Variants in POSTN observed in about 807,000 individuals in gnomAD.
POSTN encodes the protein osteoblast specific factor 2 (fasciclin I-like).
In POSTN, 71 loss-of-function variants were observed where a neutral mutation model predicts 104.5. That is an observed-to-expected ratio of 0.68 (90% CI 0.56 to 0.83). The LOEUF is 0.83. POSTN is among the 40% of genes least tolerant of loss of function. The probability of loss-of-function intolerance (pLI) is 0.00; values close to 1 mark genes in which losing one functional copy is unlikely to be tolerated. For missense variants in POSTN, 949 were observed against 1,006.8 expected, an observed-to-expected ratio of 0.94 and a Z score of 0.78; for synonymous variants, 355 against 340.7, an observed-to-expected ratio of 1.04 and a Z score of -0.46.
At position 37,564,510 on chromosome 13, in the gene POSTN, T is replaced by C; in HGVS notation, c.2473+9A>G. On this transcript the variant is annotated intron_variant, in intron 22 of 22. Transcript: ENST00000379747. Reference sequence around the variant, plus strand: ...CATATACACACATTACTATAGCCAATACACTTACCTTGAACTTTTTTGTTG... The same window carrying C: ...CATATACACACATTACTATAGCCAACACACTTACCTTGAACTTTTTTGTTG... The C allele has an allele frequency of 6.4e-7, 1 of 1,557,834 alleles. No individual in the cohort carries two copies. The highest frequency in any genetic ancestry group is 8.8e-7 in the Non-Finnish European group (1 of 1,131,158).
intron 19 of POSTN, 137 bp downstream of exon 19, chr13:37,570,443 A>G: frequency 1.7e-6 from 1 of 590,600 alleles, no homozygotes; most frequent in Non-Finnish European, 3.0e-6. Context: ...ATAATATTAT[A>G]TCTGCCAAAA....
At position 37,569,319 on chromosome 13, in the gene POSTN, A is replaced by G; in HGVS notation, c.2412T>C (p.Ile804=). ...GDGHLFEDEE[I]KRLLQGDTPV... is the part of the protein sequence containing the mutation. Reference sequence around the variant, plus strand: ...ACTAACCTCCCTGAAGCAGTCTTTTAATTTCTTCATCTTCAAATAAATGAC... The same window carrying G: ...ACTAACCTCCCTGAAGCAGTCTTTTGATTTCTTCATCTTCAAATAAATGAC... The change falls in exon 21 of 23, where the codon ATT becomes ATC. Residue 804 remains isoleucine, a synonymous_variant. Coordinates refer to ENST00000379747, the MANE Select transcript of POSTN (RefSeq NM_006475.3). The G allele has an allele frequency of 6.2e-7, 1 of 1,612,476 alleles. No individual in the cohort carries two copies. Among genetic ancestry groups the G allele is most frequent in the Non-Finnish European group, 8.5e-7 (1 of 1,178,830 alleles).
intron 17 of POSTN, among the ~76,000 whole-genome samples, chr13:37,573,348 C>T (rs921832233): frequency 7.3e-5 from 11 of 150,496 alleles, no homozygotes; most frequent in Non-Finnish European, 1.3e-4. Context: ...CTTAAAATAC[C>T]GAATTGTCTT....
intron 2 of POSTN, 70 bp downstream of exon 2, chr13:37,597,114 C>CA: frequency 1.0e-6 from 1 of 989,860 alleles, no homozygotes; most frequent in Non-Finnish European, 1.5e-6. Context: ...TGTGTACACC[C>CA]AGGGGAAGGC....
chr13:37,565,602 A>G (rs1314956015), intron 21 of POSTN: 14 of 152,050 alleles, frequency 9.2e-5, no homozygotes, highest in Admixed American at 9.2e-4. Context: ...AAAACAACTT[A>G]TATATTCTGT....
In POSTN at chr13:37,571,437, T is replaced by G. The variant is rs764431131; in HGVS notation, c.2111A>C (p.Lys704Thr). The change falls in exon 18 of 23, where the codon AAA becomes ACA. Residue 704 changes from lysine to threonine, a missense_variant. Lys to Thr is a moderately conservative substitution (Grantham distance 78, BLOSUM62 -1). Transcript: ENST00000379747. The stretch of plus-strand genomic sequence containing the variant: ...TCTGAATTCAGGTTCACCTTCAATT[T>G]TGACTTTTGTTAGTGTGGGTCCTGG... ...KTEGPTLTKV[K>T]IEGEPEFRLI... 6.2e-7 allele frequency: 1 copy of G among 1,607,370 alleles called. No individual in the cohort carries two copies. The highest frequency in any genetic ancestry group is 1.1e-5 in the South Asian group (1 of 90,900).
At chr13:37,584,515 A>G (rs2138308609) in intron 8 of POSTN, among the ~76,000 whole-genome samples, 1 of 152,274 alleles carries the variant, frequency 6.6e-6, no homozygotes, top group South Asian at 2.1e-4. Context: ...CTAGAAAGCC[A>G]AAGATTCATG....
Position 37,598,662 on chromosome 13 carries a change from T to A in POSTN, c.65A>T (p.Asn22Ile), listed in dbSNP as rs1289825813. Residue 22 changes from asparagine (N) to isoleucine (I), a missense_variant, in exon 1 of 23, where the codon AAC becomes ATC. By Grantham distance (149) the Asn-to-Ile change is moderately radical. Transcript: ENST00000379747. ...AGCCAAGATCTTGTCATAATGATTG[T>A]TGGCGTTTATAGGGTTAACAATAAG... ...LLLIVNPINA[N>I]NHYDKILAHS... 2 of 1,613,606 alleles carry A rather than the reference T, an allele frequency of 1.2e-6. No individual in the cohort carries two copies. The highest frequency in any genetic ancestry group is 2.2e-5 in the South Asian group (2 of 91,058).
intron 9 of POSTN, among the ~76,000 whole-genome samples, chr13:37,582,968 G>A (rs1333876725): frequency 1.3e-5 from 2 of 152,118 alleles, no homozygotes; most frequent in Non-Finnish European, 1.5e-5. Context: ...ACATGGGCAG[G>A]ATTATTACAA....
chr13:37,587,049 TG>T, intron 5 of POSTN, 121 bp from the exon 6 acceptor site: 3 of 795,190 alleles, frequency 3.8e-6, no homozygotes, highest in Non-Finnish European at 6.0e-6. Flanking sequence ...GAAACTACAT[TG>T]TAAATGTAAA....
Position 37,570,385 on chromosome 13 carries a change from T to C in POSTN, c.2269+195A>G, listed in dbSNP as rs543299601. On this transcript the variant is annotated intron_variant, in intron 19 of 22. Coordinates refer to ENST00000379747, the MANE Select transcript of POSTN (RefSeq NM_006475.3). ...TAATAAAAACAAATGCTTTTAGATT[T>C]GTCTACAAATTTTCAATTCAGAGTA... 5.3e-5 allele frequency among the ~76,000 whole-genome samples: 8 copies of C among 151,942 alleles called. No homozygotes were observed. The East Asian group carries it at 1.3e-3, about 26-fold the overall frequency.
intron 17 of POSTN, among the ~76,000 whole-genome samples, chr13:37,571,769 A>G (rs1309025566): frequency 3.3e-5 from 5 of 151,746 alleles, no homozygotes. Context: ...ATGTGGCTAC[A>G]CTTTGCAGAT....
chr13:37,568,633 AAAC>A (rs1950178851), intron 21 of POSTN: 1 of 152,014 alleles, frequency 6.6e-6, no homozygotes, highest in Non-Finnish European at 1.5e-5. Context: ...GTATCTATAT[AAAC>A]AACATCTTTG....
chr13:37,583,443 GTT>G (rs5802885), intron 9 of POSTN, among the ~76,000 whole-genome samples: 3 of 127,292 alleles, frequency 2.4e-5, no homozygotes, highest in Non-Finnish European at 3.3e-5. Flanking sequence ...TTTAAGTTTC[GTT>G]TTTTTTTTTT....
intron 1 of POSTN, 38 bp from the exon 2 acceptor site, chr13:37,597,320 A>T (rs769530295): frequency 7.4e-7 from 1 of 1,344,938 alleles, no homozygotes; most frequent in Admixed American, 2.3e-5. Flanking sequence ...TTAATGTCCT[A>T]ATAATGACTA....
Position 37,584,699 on chromosome 13 carries a change from C to A in POSTN, c.1108+17G>T. The A allele has an allele frequency of 1.2e-6, 2 of 1,600,110 alleles. No homozygotes were observed. ...GTAAGTAAAAAAACAAAAACAAAAA[C>A]AAAAAAAGTTGCTTACCAGAATCAG... On this transcript the variant is annotated intron_variant, in intron 8 of 22. Transcript: ENST00000379747.
chr13:37,567,122 GCTA>G (rs1399293720), intron 21 of POSTN, among the ~76,000 whole-genome samples: 1 of 144,166 alleles, frequency 6.9e-6, no homozygotes, highest in East Asian at 2.0e-4. Flanking sequence ...TGTAGTCCCA[GCTA>G]CTTGGGAGGC....
chr13:37,595,178 A>G (rs533504628), intron 2 of POSTN, among the ~76,000 whole-genome samples: 21 of 152,254 alleles, frequency 1.4e-4, no homozygotes, highest in African/African-American at 4.8e-4. Flanking sequence ...GAAGGATGTA[A>G]TAAGCATTCT....
Position 37,584,025 on chromosome 13 carries a change from G to A in POSTN, c.1187C>T (p.Ala396Val), listed in dbSNP as rs1434297040. The change falls in exon 9 of 23, where the codon GCT becomes GTT. Residue 396 changes from alanine to valine, a missense_variant. Physicochemically the swap from Ala to Val is moderately conservative, Grantham distance 64 (BLOSUM62 0). Transcript: ENST00000379747. ...AGTGTATTCTCCATCTGGCCTCAGAGCAGATGCCAAGCCTAATTGGGCCAC... is the reference window on the plus strand; with the variant it reads ...AGTGTATTCTCCATCTGGCCTCAGAACAGATGCCAAGCCTAATTGGGCCAC... Reference protein sequence around the residue: ...DLVAQLGLASALRPDGEYTLL... With the variant: ...DLVAQLGLASVLRPDGEYTLL... 1.2e-6 allele frequency: 2 copies of A among 1,613,964 alleles called. No individual in the cohort carries two copies. Among genetic ancestry groups the A allele is most frequent in the Non-Finnish European group, 1.7e-6 (2 of 1,179,938 alleles).
Sources: allele counts gnomAD v4.1 joint callset (sites outside exome capture counted in the v4.1 genomes callset), GRCh38; gene constraint gnomAD v4.1.1; transcripts MANE v1.5; gene names NCBI Gene and HGNC (gene_info 2026-07-23, HGNC 2026-07-21).